RBFOX3: variants seen among roughly 807,000 people sequenced by gnomAD.
RBFOX3 encodes RNA binding protein fox-1 homolog 3.
A neutral mutation model predicts 48.7 loss-of-function variants in RBFOX3; 17 were observed. The ratio of observed to expected loss-of-function variants is 0.35; its 90% CI spans 0.24 to 0.52. The LOEUF (loss-of-function observed/expected upper bound fraction) is 0.52, where lower values mean the gene tolerates loss of function less well. RBFOX3 is among the 20% of genes least tolerant of loss of function. The pLI is 0.94. For missense variants in RBFOX3, 382 were observed against 497.5 expected (o/e 0.77, Z 2.21); for synonymous variants, 212 against 209.5 (o/e 1.01, Z -0.10).
At chr17:79,100,840 G>C (rs993389244) in intron 9 of RBFOX3, among the ~76,000 whole-genome samples, 1 of 152,188 alleles carries the variant, frequency 6.6e-6, no homozygotes, top group Non-Finnish European at 1.5e-5. Context: ...CTTAGCGTCG[G>C]CAGATCCATC....
intron 1 of RBFOX3, among the ~76,000 whole-genome samples, chr17:79,602,454 T>C (rs1160045456): frequency 6.6e-6 from 1 of 152,202 alleles, no homozygotes; most frequent in Non-Finnish European, 1.5e-5. Context: ...AACCAACCAC[T>C]GTCGGTCTTC....
At chr17:79,518,628 C>A (rs931423697) in intron 1 of RBFOX3, among the ~76,000 whole-genome samples, 9 of 152,340 alleles carry the variant, frequency 5.9e-5, no homozygotes, top group Middle Eastern at 3.4e-3. Context: ...GAAGGGCAGG[C>A]CTGGCGGAAC....
In RBFOX3 at chr17:79,512,073, G is replaced by A. The variant is rs879156656; in HGVS notation, c.-319-29475C>T. Reference sequence around the variant, plus strand: ...TCCTATAGCCAGGGGATATACACCCGGATACATATTACCATCGAGTACAGC... The same window carrying A: ...TCCTATAGCCAGGGGATATACACCCAGATACATATTACCATCGAGTACAGC... On this transcript the variant is annotated intron_variant, in intron 1 of 14. Transcript: ENST00000693108. Among the ~76,000 whole-genome samples the A allele has an allele frequency of 1.5e-3, 173 of 115,196 alleles. 1 individual carries two copies. The highest frequency in any genetic ancestry group is 2.2e-3 in the Non-Finnish European group (125 of 56,190). 75.6% of individuals were successfully genotyped at this position (115,196 alleles called of 152,430 possible).
chr17:79,486,168 C>T (rs2079561182), intron 1 of RBFOX3, among the ~76,000 whole-genome samples: 1 of 152,202 alleles, frequency 6.6e-6, no homozygotes, highest in Admixed American at 6.5e-5. Context: ...GCCCCGCAGC[C>T]CGGCAGGGTT....
At chr17:79,338,128 G>A (rs1188036601) in intron 2 of RBFOX3, among the ~76,000 whole-genome samples, 3 of 152,116 alleles carry the variant, frequency 2.0e-5, no homozygotes, top group Admixed American at 6.5e-5. Context: ...TAATAGAGAC[G>A]GGGTTTCACC....
intron 4 of RBFOX3, among the ~76,000 whole-genome samples, chr17:79,176,973 C>T (rs976229523): frequency 2.0e-5 from 3 of 152,176 alleles, no homozygotes; most frequent in East Asian, 1.9e-4. Context: ...ATCTCCTTCA[C>T]GGAGGTCCCA....
intron 2 of RBFOX3, among the ~76,000 whole-genome samples, chr17:79,397,310 G>GT (rs2062117725): frequency 6.6e-6 from 1 of 151,962 alleles, no homozygotes; most frequent in Non-Finnish European, 1.5e-5. Flanking sequence ...GTGAAACCCT[G>GT]TCTCTCCTAA....
intron 2 of RBFOX3, among the ~76,000 whole-genome samples, chr17:79,346,739 C>T (rs1224832412): frequency 2.0e-5 from 3 of 152,192 alleles, no homozygotes; most frequent in Non-Finnish European, 4.4e-5. Context: ...CCTCTACTTA[C>T]ACTTCATAAA....
At chr17:79,640,087 C>T in the RBFOX3 span, among the ~76,000 whole-genome samples, 7 of 151,964 alleles carry the variant, frequency 4.6e-5, no homozygotes, top group African/African-American at 1.7e-4. Flanking sequence ...ACTCAACAAC[C>T]AAAAAACTGC....
chr17:79,439,536 C>T (rs2070368466), intron 2 of RBFOX3, among the ~76,000 whole-genome samples: 1 of 152,244 alleles, frequency 6.6e-6, no homozygotes, highest in South Asian at 2.1e-4. Flanking sequence ...GCTGTTTTCC[C>T]TCTTGACATA....
chr17:79,299,206 A>T lies in RBFOX3; in HGVS notation c.-74+8518T>A, dbSNP rs2074920836. On this transcript the variant is annotated intron_variant, in intron 3 of 14. Transcript: ENST00000693108. The surrounding 1 kb of genome is among the most constrained non-coding windows in gnomAD (Gnocchi z 4.5). The stretch of plus-strand genomic sequence containing the variant: ...TGTGAGGGCGGGTCCCATTCCTGAA[A>T]GTAAACCTGGCAAACCCTGGCCAGC... Among the ~76,000 whole-genome samples, 1 of 151,818 alleles carries T rather than the reference A, an allele frequency of 6.6e-6. No individual in the cohort carries two copies. The highest frequency in any genetic ancestry group is 1.5e-5 in the Non-Finnish European group (1 of 67,950).
intron 1 of RBFOX3, among the ~76,000 whole-genome samples, chr17:79,503,281 C>G (rs1307921341): frequency 6.6e-6 from 1 of 152,158 alleles, no homozygotes; most frequent in African/African-American, 2.4e-5. Context: ...ATTCAGGCAG[C>G]AGACCCTTCA....
intron 1 of RBFOX3, among the ~76,000 whole-genome samples, chr17:79,591,114 A>G (rs2093403763): frequency 6.6e-6 from 1 of 152,138 alleles, no homozygotes; most frequent in Admixed American, 6.5e-5. Context: ...AGAAACAAGG[A>G]GTCCAGGAGA....
Position 79,477,517 on chromosome 17 carries a change from T to C in RBFOX3, c.-175+4937A>G, listed in dbSNP as rs1477130877. Among the ~76,000 whole-genome samples, 214 of 148,804 alleles carry C rather than the reference T, an allele frequency of 1.4e-3. 1 individual carries two copies. Among genetic ancestry groups the C allele is most frequent in the African/African-American group, 3.6e-3 (145 of 40,164 alleles). ...TTTGCAGTGAGCTGAGATCGCCCCATCGCACTCCAGCCTGGGCGACAGAGC... is the reference window on the plus strand; with the variant it reads ...TTTGCAGTGAGCTGAGATCGCCCCACCGCACTCCAGCCTGGGCGACAGAGC... On this transcript the variant is annotated intron_variant, in intron 2 of 14. Coordinates refer to ENST00000693108, the MANE Select transcript of RBFOX3 (RefSeq NM_001350451.2). The surrounding 1 kb of genome is among the most constrained non-coding windows in gnomAD (Gnocchi z 4.8).
intron 2 of RBFOX3, among the ~76,000 whole-genome samples, chr17:79,335,576 C>T (rs894630840): frequency 1.3e-5 from 2 of 152,168 alleles, no homozygotes; most frequent in Admixed American, 1.3e-4. Context: ...CTGGAGTGTC[C>T]GTGTACACAG....
chr17:79,355,190 G>A (rs1326325497), intron 2 of RBFOX3, among the ~76,000 whole-genome samples: 1 of 152,182 alleles, frequency 6.6e-6, no homozygotes, highest in African/African-American at 2.4e-5. Context: ...GGGGTCGGGG[G>A]TCCCTGTTCA....
chr17:79,549,641 C>T (rs2090933497), intron 1 of RBFOX3, among the ~76,000 whole-genome samples: 1 of 152,216 alleles, frequency 6.6e-6, no homozygotes, highest in Non-Finnish European at 1.5e-5. Context: ...TGGGGCAGGC[C>T]TGAGGCCTTC....
intron 4 of RBFOX3, among the ~76,000 whole-genome samples, chr17:79,132,102 G>A (rs1050527057): frequency 6.6e-6 from 1 of 152,036 alleles, no homozygotes; most frequent in African/African-American, 2.4e-5. Flanking sequence ...GGTGCAGAGC[G>A]GGGTGCTGGG....
the RBFOX3 span, among the ~76,000 whole-genome samples, chr17:79,660,485 G>A: frequency 1.3e-4 from 20 of 152,146 alleles, no homozygotes; most frequent in African/African-American, 4.8e-4. Flanking sequence ...GTAGGCAAGA[G>A]ATATGAACAG....
Sources: gnomAD v4.1 joint callset for allele counts (sites outside exome capture counted in the v4.1 genomes callset) on GRCh38, gnomAD v4.1.1 for gene constraint, Gnocchi (gnomAD v3.1) non-coding constraint, MANE v1.5 for transcripts, NCBI Gene and HGNC (gene_info 2026-07-23, HGNC 2026-07-21) for gene names.